The following CCDC126 variants were observed in gnomAD, a reference collection of about 807,000 sequenced individuals.
CCDC126 encodes coiled-coil domain containing 126.
CCDC126 carries 5 observed loss-of-function variants against 11.7 expected under a neutral mutation model. The observed-to-expected ratio is 0.43, with a 90% CI of 0.22 to 0.90. The LOEUF is 0.90. Among genes scored for constraint, CCDC126 ranks in the 40% least tolerant of loss-of-function variants. The probability of loss-of-function intolerance (pLI) is 0.27; values close to 1 mark genes in which losing one functional copy is unlikely to be tolerated. For synonymous variants in CCDC126, 60 were observed against 61.9 expected (o/e 0.97, Z 0.14); for missense variants, 150 against 163.1 (o/e 0.92, Z 0.44).
Position 23,597,885 on chromosome 7 carries a change from C to G in CCDC126, c.-230-82C>G, listed in dbSNP as rs966776776. ...CGAGCGTGGCTGGGGCTGCGCGAGT[C>G]GAGCGGGGCGGGCTTGGTCCGGAGC... On this transcript the variant is annotated intron_variant, in intron 1 of 3. Coordinates refer to ENST00000307471, the MANE Select transcript of CCDC126 (RefSeq NM_138771.4). 5.9e-5 allele frequency: 9 copies of G among 152,240 alleles called. No homozygotes were observed. In the East Asian group the frequency reaches 1.7e-3, roughly 29 times the overall value. The allele number at this position is 152,240 out of a possible 1,614,324, so 9.4% of individuals were successfully genotyped here.
chr7:23,627,729 G>A (rs1020493318), intron 3 of CCDC126, among the ~76,000 whole-genome samples: 1 of 151,966 alleles, frequency 6.6e-6, no homozygotes, highest in African/African-American at 2.4e-5. Context: ...CTCCCTAGAA[G>A]CTGGGACTGC....
intron 3 of CCDC126, among the ~76,000 whole-genome samples, chr7:23,636,285 C>A (rs1286280916): frequency 6.6e-6 from 1 of 151,936 alleles, no homozygotes; most frequent in Non-Finnish European, 1.5e-5. Context: ...GCCGCCACCC[C>A]GTCTGGGAAG....
chr7:23,622,536 T>G, intron 3 of CCDC126: 1 of 522,996 alleles, frequency 1.9e-6, no homozygotes, highest in Admixed American at 2.0e-5. Flanking sequence ...ATGGACTGTC[T>G]GTATGCCAGG....
At chr7:23,619,385 A>C in intron 3 of CCDC126, 1 of 403,560 alleles carries the variant, frequency 2.5e-6, no homozygotes, top group South Asian at 2.1e-5. Context: ...CGCATGCTTA[A>C]ACTCAGAGAT....
chr7:23,630,742 A>G (rs1210282917), intron 3 of CCDC126, among the ~76,000 whole-genome samples: 2 of 149,894 alleles, frequency 1.3e-5, no homozygotes, highest in Non-Finnish European at 3.0e-5. Context: ...AAAAAAAAAA[A>G]AAAAAGTCCA....
rs759870449 is a variant in CCDC126 at position 23,642,066 on chromosome 7, C to T, written c.239-865C>T. Among the ~76,000 whole-genome samples the T allele has an allele frequency of 7.9e-5, 12 of 152,300 alleles. No individual in the cohort carries two copies. The South Asian group carries it at 1.0e-3, about 13-fold the overall frequency. ...TTGCTCTGTCGCCCAGGCTGGAGTGCAGTGGCGCTATCTCTGCTCACTGCA... is the reference window on the plus strand; with the variant it reads ...TTGCTCTGTCGCCCAGGCTGGAGTGTAGTGGCGCTATCTCTGCTCACTGCA... On this transcript the variant is annotated intron_variant, in intron 3 of 3. Transcript: ENST00000307471.
chr7:23,610,560 CT>C (rs1477922345), intron 2 of CCDC126, among the ~76,000 whole-genome samples: 1 of 152,140 alleles, frequency 6.6e-6, no homozygotes, highest in Non-Finnish European at 1.5e-5. Flanking sequence ...TTCTTTATGT[CT>C]GGCATATTTT....
chr7:23,599,176 G>C (rs1423247594), intron 2 of CCDC126, among the ~76,000 whole-genome samples: 3 of 152,166 alleles, frequency 2.0e-5, no homozygotes, highest in African/African-American at 7.2e-5. Flanking sequence ...GACATGCTTT[G>C]TTCTCTTTCT....
intron 2 of CCDC126, among the ~76,000 whole-genome samples, chr7:23,610,758 T>C (rs1473597602): frequency 2.0e-5 from 3 of 152,198 alleles, no homozygotes; most frequent in African/African-American, 7.2e-5. Flanking sequence ...CGATCCTTTT[T>C]CTTTCCTTCT....
chr7:23,638,727 T>TAAAAAAAAAAAAAAAAAAAA (rs70954398), intron 3 of CCDC126, among the ~76,000 whole-genome samples: 7 of 89,658 alleles, frequency 7.8e-5, no homozygotes, highest in Admixed American at 1.4e-4. Context: ...AAAAAAAAAT[T>TAAAAAAAAAAAAAAAAAAAA]AAAAAAAAAA....
At chr7:23,640,590 C>T (rs748140818) in intron 3 of CCDC126, among the ~76,000 whole-genome samples, 2 of 152,082 alleles carry the variant, frequency 1.3e-5, no homozygotes, top group Non-Finnish European at 2.9e-5. Flanking sequence ...CTTTCCAAAA[C>T]TTGTACCACT....
chr7:23,615,070 A>G (rs1335205596), intron 3 of CCDC126, among the ~76,000 whole-genome samples: 1 of 152,210 alleles, frequency 6.6e-6, no homozygotes, highest in Non-Finnish European at 1.5e-5. Flanking sequence ...ACTAGCTATG[A>G]AAATCCTAGA....
intron 2 of CCDC126, among the ~76,000 whole-genome samples, chr7:23,608,410 C>T (rs1329496466): frequency 6.6e-6 from 1 of 152,156 alleles, no homozygotes; most frequent in Non-Finnish European, 1.5e-5. Flanking sequence ...CTGCATGGGA[C>T]GGCTTTGAAT....
At chr7:23,638,098 G>T (rs1200180075) in intron 3 of CCDC126, among the ~76,000 whole-genome samples, 1 of 134,544 alleles carries the variant, frequency 7.4e-6, no homozygotes, top group Non-Finnish European at 1.6e-5. Flanking sequence ...TGGTGGGGGG[G>T]TCAGCCCCCC....
At chr7:23,616,160 C>T (rs1168795558) in intron 3 of CCDC126, among the ~76,000 whole-genome samples, 1 of 152,200 alleles carries the variant, frequency 6.6e-6, no homozygotes, top group Admixed American at 6.5e-5. Context: ...TTTTCTACTG[C>T]ATCCCCCTAC....
intron 2 of CCDC126, among the ~76,000 whole-genome samples, chr7:23,600,771 C>T (rs905631209): frequency 8.5e-5 from 13 of 152,076 alleles, no homozygotes; most frequent in Admixed American, 4.6e-4. Context: ...GTATGATTAG[C>T]CATCTATTTG....
At chr7:23,627,177 G>A (rs1783030508) in intron 3 of CCDC126, among the ~76,000 whole-genome samples, 1 of 152,112 alleles carries the variant, frequency 6.6e-6, no homozygotes. Flanking sequence ...TCTTTTAAGG[G>A]TTTTGGCTTT....
At chr7:23,616,012 C>T (rs1036009309) in intron 3 of CCDC126, among the ~76,000 whole-genome samples, 4 of 152,180 alleles carry the variant, frequency 2.6e-5, no homozygotes, top group African/African-American at 7.2e-5. Context: ...TTGCTGCAAA[C>T]ATTCAATTGT....
intron 3 of CCDC126, among the ~76,000 whole-genome samples, chr7:23,641,220 A>G (rs1317639926): frequency 6.6e-6 from 1 of 152,126 alleles, no homozygotes; most frequent in Non-Finnish European, 1.5e-5. Context: ...GTGAAATGGT[A>G]TCTCATTGAG....
Sources: allele counts gnomAD v4.1 joint callset (sites outside exome capture counted in the v4.1 genomes callset), GRCh38; gene constraint gnomAD v4.1.1; transcripts MANE v1.5; gene names NCBI Gene and HGNC (gene_info 2026-07-23, HGNC 2026-07-21).